SSH2: variants seen among roughly 807,000 people sequenced by gnomAD.
SSH2 encodes the protein protein phosphatase Slingshot homolog 2.
In SSH2, 37 loss-of-function variants were observed where a neutral mutation model predicts 135.2. That is an observed-to-expected ratio of 0.27 (90% CI 0.21 to 0.36). The LOEUF (loss-of-function observed/expected upper bound fraction) is 0.36. Ranked by LOEUF, SSH2 falls within the 10% of genes least tolerant of loss-of-function variation. SSH2 has a pLI of 1.00. For synonymous variants in SSH2, 628 were observed against 646.2 expected (o/e 0.97, Z 0.43); for missense variants, 1,408 against 1,765.3 (o/e 0.80, Z 3.63).
chr17:29,927,339 A>C (rs192399903), intron 1 of SSH2, among the ~76,000 whole-genome samples: 17 of 152,216 alleles, frequency 1.1e-4, no homozygotes, highest in Non-Finnish European at 2.2e-4. Flanking sequence ...AGATTGCAAG[A>C]TCCTGATGAA....
At chr17:29,656,454 G>C (rs137928596) in intron 11 of SSH2, among the ~76,000 whole-genome samples, 1,695 of 152,202 alleles carry the variant, frequency 0.011, 33 homozygotes, top group African/African-American at 0.037. Flanking sequence ...GGGATTACAG[G>C]TGTGAGACAC....
At chr17:29,738,843 C>T (rs1313933821) in intron 3 of SSH2, among the ~76,000 whole-genome samples, 1 of 152,152 alleles carries the variant, frequency 6.6e-6, no homozygotes, top group Non-Finnish European at 1.5e-5. Context: ...CGTGAGCCAC[C>T]ACGCCCGGCC....
intron 1 of SSH2, among the ~76,000 whole-genome samples, chr17:29,909,854 G>T (rs1278853632): frequency 6.6e-6 from 1 of 152,188 alleles, no homozygotes; most frequent in Admixed American, 6.5e-5. Flanking sequence ...TAAGGTACAA[G>T]TACGACTTTA....
intron 1 of SSH2, among the ~76,000 whole-genome samples, chr17:29,877,614 G>A (rs1278095636): frequency 6.6e-6 from 1 of 152,090 alleles, no homozygotes; most frequent in Admixed American, 6.5e-5. Flanking sequence ...AGTGAAATAA[G>A]CCAGGCACAG....
At chr17:29,643,941 C>T (rs773642555) in intron 14 of SSH2, among the ~76,000 whole-genome samples, 16 of 152,132 alleles carry the variant, frequency 1.1e-4, no homozygotes, top group South Asian at 4.1e-4. Context: ...AATTTACAGA[C>T]GCCTAGAGAT....
chr17:29,774,676 G>T (rs991287929), intron 3 of SSH2, among the ~76,000 whole-genome samples: 4 of 152,146 alleles, frequency 2.6e-5, no homozygotes, highest in Non-Finnish European at 5.9e-5. Flanking sequence ...CAAAACTTTG[G>T]TTCTTATATA....
intron 1 of SSH2, among the ~76,000 whole-genome samples, chr17:29,908,202 A>G (rs12452288): frequency 0.42 from 63,118 of 151,868 alleles, 15,083 homozygotes; most frequent in East Asian, 0.69. Context: ...CTGTAATGAT[A>G]GCACTTTGGG....
intron 11 of SSH2, among the ~76,000 whole-genome samples, chr17:29,658,481 T>C (rs1364784788): frequency 6.6e-6 from 1 of 152,182 alleles, no homozygotes; most frequent in East Asian, 1.9e-4. Flanking sequence ...ACCTGGCTTG[T>C]ATTCAATTTT....
chr17:29,765,963 T>C (rs2041434983), intron 3 of SSH2, among the ~76,000 whole-genome samples: 1 of 138,744 alleles, frequency 7.2e-6, no homozygotes, highest in South Asian at 2.2e-4. Flanking sequence ...GATGTTGCAG[T>C]GAGCCAAGAT....
Position 29,758,050 on chromosome 17 carries a change from AC to A in SSH2, c.188+35843del, listed in dbSNP as rs547406167. Among the ~76,000 whole-genome samples the A allele has an allele frequency of 3.1e-3, 467 of 152,228 alleles. 3 individuals carry two copies. The highest frequency in any genetic ancestry group is 1.8e-3 in the Non-Finnish European group (124 of 67,996). ...TGACAGAGCAAGGGCCTGTCTCAAA[AC>A]AAAACAAAACAAAACAAGAAACAAA... On this transcript the variant is annotated intron_variant, in intron 3 of 15. Transcript: ENST00000540801.
intron 1 of SSH2, among the ~76,000 whole-genome samples, chr17:29,891,540 A>T (rs2066350337): frequency 6.6e-6 from 1 of 152,100 alleles, no homozygotes; most frequent in Non-Finnish European, 1.5e-5. Context: ...GCAGCTCAAG[A>T]GCCCTAAATA....
intron 14 of SSH2, among the ~76,000 whole-genome samples, chr17:29,640,073 GT>G (rs954899744): frequency 2.1e-5 from 3 of 145,270 alleles, no homozygotes; most frequent in South Asian, 2.2e-4. Flanking sequence ...TCCAAAGTAT[GT>G]TTTTTTTTTG....
At chr17:29,746,555 A>G (rs57000122) in intron 3 of SSH2, among the ~76,000 whole-genome samples, 11 of 141,958 alleles carry the variant, frequency 7.7e-5, no homozygotes, top group Admixed American at 3.4e-4. Context: ...CTCAAAAAAA[A>G]AAAAAAAAAA....
At chr17:29,900,906 T>G (rs2066538656) in intron 1 of SSH2, among the ~76,000 whole-genome samples, 1 of 152,202 alleles carries the variant, frequency 6.6e-6, no homozygotes, top group South Asian at 2.1e-4. Flanking sequence ...GAGACTAGAT[T>G]AAGAAAATGT....
chr17:29,898,561 C>A (rs1360919271), intron 1 of SSH2, among the ~76,000 whole-genome samples: 1 of 151,942 alleles, frequency 6.6e-6, no homozygotes, highest in Non-Finnish European at 1.5e-5. Context: ...ACACATACAC[C>A]CTCCCAAGAC....
intron 1 of SSH2, among the ~76,000 whole-genome samples, chr17:29,879,312 T>A (rs372138518): frequency 6.6e-6 from 1 of 151,880 alleles, no homozygotes; most frequent in Non-Finnish European, 1.5e-5. Context: ...AGTATTCAAA[T>A]AGGTTTTTCT....
intron 1 of SSH2, among the ~76,000 whole-genome samples, chr17:29,849,478 CAAAA>C (rs36026122): frequency 2.1e-5 from 1 of 48,334 alleles, no homozygotes. Context: ...GACTCCGTCT[CAAAA>C]AAAAAAAAAA....
At chr17:29,659,648 C>T (rs1393045905) in intron 11 of SSH2, among the ~76,000 whole-genome samples, 1 of 152,118 alleles carries the variant, frequency 6.6e-6, no homozygotes, top group East Asian at 1.9e-4. Context: ...CTCAGCTTCT[C>T]GAGTAGCTGG....
intron 1 of SSH2, among the ~76,000 whole-genome samples, chr17:29,914,016 T>G (rs1431130590): frequency 6.6e-6 from 1 of 152,134 alleles, no homozygotes; most frequent in African/African-American, 2.4e-5. Context: ...AAAATAAGGT[T>G]GTCATTTGGT....
Sources: gnomAD v4.1 joint callset for allele counts (sites outside exome capture counted in the v4.1 genomes callset) on GRCh38, gnomAD v4.1.1 for gene constraint, MANE v1.5 for transcripts, NCBI Gene and HGNC (gene_info 2026-07-23, HGNC 2026-07-21) for gene names.